SVIL: variants seen among roughly 807,000 people sequenced by gnomAD.
SVIL encodes archvillin.
Under a neutral mutation model 240.4 loss-of-function variants are expected in SVIL, and 101 were observed. That is an observed-to-expected ratio of 0.42 (90% CI 0.36 to 0.50). SVIL has a LOEUF of 0.50. Among genes scored for constraint, SVIL ranks in the 20% least tolerant of loss-of-function variants. SVIL has a pLI of 0.01. For synonymous variants in SVIL, 999 were observed against 1,100.0 expected (o/e 0.91, Z 1.82); for missense variants, 2,512 against 2,818.7 (o/e 0.89, Z 2.46).
At chr10:29,721,780 G>C (rs1034401778) in intron 1 of SVIL, among the ~76,000 whole-genome samples, 2 of 152,190 alleles carry the variant, frequency 1.3e-5, no homozygotes, top group African/African-American at 2.4e-5. Context: ...CAATACTGCT[G>C]GGGATCCCTG....
intron 18 of SVIL, among the ~76,000 whole-genome samples, chr10:29,498,683 A>C (rs1229665577): frequency 6.6e-6 from 1 of 152,206 alleles, no homozygotes; most frequent in African/African-American, 2.4e-5. Context: ...AGTAAGTTTA[A>C]AAAATTTTAA....
At chr10:29,637,868 G>A (rs1393610969), upstream of SVIL, among the ~76,000 whole-genome samples, 3 of 152,178 alleles carry the variant, frequency 2.0e-5, no homozygotes, top group African/African-American at 4.8e-5. Context: ...ATCCCAAAAT[G>A]TTAGATACTA....
intron 17 of SVIL, among the ~76,000 whole-genome samples, chr10:29,500,739 G>T (rs1948818515): frequency 1.3e-5 from 2 of 152,130 alleles, no homozygotes; most frequent in African/African-American, 4.8e-5. Flanking sequence ...GTGATCCTAA[G>T]GCCTCGCGCT....
At chr10:29,635,114 A>G (rs1231486717), upstream of SVIL, 1 of 152,230 alleles carries the variant, frequency 6.6e-6, no homozygotes, top group African/African-American at 2.4e-5. Flanking sequence ...CTTCAAATGC[A>G]ATTAGGTTGT....
intron 2 of SVIL, among the ~76,000 whole-genome samples, chr10:29,673,039 G>A (rs557229746): frequency 6.6e-5 from 10 of 152,050 alleles, no homozygotes; most frequent in Admixed American, 2.0e-4. Context: ...TCAGCCTCCC[G>A]AGTAGCTGGG....
intron 18 of SVIL, among the ~76,000 whole-genome samples, chr10:29,496,682 A>G (rs934803732): frequency 6.6e-6 from 1 of 152,252 alleles, no homozygotes; most frequent in African/African-American, 2.4e-5. Flanking sequence ...AAAACAAAAC[A>G]AAGATCTCCC....
intron 1 of SVIL, among the ~76,000 whole-genome samples, chr10:29,614,854 T>C (rs2132886989): frequency 6.6e-6 from 1 of 152,300 alleles, no homozygotes; most frequent in Non-Finnish European, 1.5e-5. Context: ...CCACGAATCA[T>C]TTGGGTCCTA....
intron 6 of SVIL, among the ~76,000 whole-genome samples, chr10:29,545,451 A>T (rs1564613688): frequency 6.6e-6 from 1 of 152,066 alleles, no homozygotes; most frequent in Non-Finnish European, 1.5e-5. Context: ...TCATGTTCTC[A>T]CTACTAAGGA....
intron 1 of SVIL, among the ~76,000 whole-genome samples, chr10:29,625,178 CCTT>C (rs199682187): frequency 4.4e-4 from 67 of 152,252 alleles, no homozygotes; most frequent in African/African-American, 1.5e-3. Flanking sequence ...TTACTAAACT[CCTT>C]CTAAAATCAT....
intron 3 of SVIL, among the ~76,000 whole-genome samples, chr10:29,645,654 T>C (rs1958631850): frequency 1.3e-5 from 2 of 152,186 alleles, no homozygotes; most frequent in African/African-American, 4.8e-5. Context: ...TAAAAAATTA[T>C]TAGACAGTAG....
chr10:29,571,366 C>A, intron 1 of SVIL, among the ~76,000 whole-genome samples: 1 of 152,208 alleles, frequency 6.6e-6, no homozygotes, highest in East Asian at 1.9e-4. Context: ...GTGCTGCAAC[C>A]TAACCATCCT....
At chr10:29,602,721 C>T (rs927982795) in intron 1 of SVIL, among the ~76,000 whole-genome samples, 4 of 151,846 alleles carry the variant, frequency 2.6e-5, no homozygotes, top group African/African-American at 7.3e-5. Context: ...CGCTGTGGCT[C>T]ACGCCTGTAA....
chr10:29,554,885 G>A lies in SVIL; in HGVS notation c.58C>T (p.Pro20Ser), dbSNP rs1333037707. The A allele has an allele frequency of 4.3e-6, 7 of 1,613,566 alleles. No individual in the cohort carries two copies. The highest frequency in any genetic ancestry group is 1.3e-5 in the African/African-American group (1 of 74,892). Residue 20 changes from proline to serine, a missense_variant, in exon 5 of 38, where the codon CCC (proline) becomes TCC (serine). Pro to Ser is a moderately conservative substitution (Grantham distance 74, BLOSUM62 -1). Coordinates refer to ENST00000355867, the MANE Select transcript of SVIL (RefSeq NM_021738.3). ...RLEGIENDTQ[P>S]ILLQSCTGLV... is the part of the protein sequence containing the mutation. ...CCTGTGCAGCTCTGCAAGAGGATGG[G>A]CTGAGTGTCATTTTCAATCCCTTCC...
At chr10:29,526,851 C>A (rs1053689961) in intron 13 of SVIL, 110 bp downstream of exon 13, 1 of 895,630 alleles carries the variant, frequency 1.1e-6, no homozygotes, top group South Asian at 2.0e-5. Context: ...GAACAACTCA[C>A]GGCATTGACT....
chr10:29,564,258 C>T (rs1176759749), intron 2 of SVIL, among the ~76,000 whole-genome samples: 1 of 152,174 alleles, frequency 6.6e-6, no homozygotes, highest in African/African-American at 2.4e-5. Context: ...GAAATTGTTA[C>T]ATGATTTGCC....
At chr10:29,598,601 C>T (rs186886364) in intron 1 of SVIL, among the ~76,000 whole-genome samples, 9 of 152,296 alleles carry the variant, frequency 5.9e-5, no homozygotes, top group African/African-American at 1.9e-4. Flanking sequence ...CATGCAGTTA[C>T]GGCTGCCCCC....
At chr10:29,683,939 T>G (rs192066119) in intron 2 of SVIL, among the ~76,000 whole-genome samples, 328 of 152,252 alleles carry the variant, frequency 2.2e-3, no homozygotes, top group African/African-American at 7.6e-3. Context: ...GAATAAGCAT[T>G]TCATGAAAGT....
intron 1 of SVIL, among the ~76,000 whole-genome samples, chr10:29,604,381 T>G (rs111395029): frequency 7.0e-6 from 1 of 142,044 alleles, no homozygotes; most frequent in African/African-American, 2.6e-5. Context: ...TTTTTTTTTT[T>G]TTTTTTTTTT....
chr10:29,522,659 A>G (rs868455913), intron 15 of SVIL, 24 bp from the exon 16 acceptor site: 1 of 1,608,078 alleles, frequency 6.2e-7, no homozygotes, highest in Non-Finnish European at 8.5e-7. Flanking sequence ...GAGCAACATC[A>G]GCACTGAACT....
Sources: gnomAD v4.1 joint callset for allele counts (sites outside exome capture counted in the v4.1 genomes callset) on GRCh38, gnomAD v4.1.1 for gene constraint, MANE v1.5 for transcripts, NCBI Gene and HGNC (gene_info 2026-07-23, HGNC 2026-07-21) for gene names.